PUS10: variants seen among roughly 807,000 people sequenced by gnomAD.
PUS10 encodes the protein pseudouridine synthase 10.
In PUS10, 59 loss-of-function variants were observed where a neutral mutation model predicts 75.0. The observed-to-expected ratio is 0.79, with a 90% confidence interval of 0.64 to 0.98. PUS10 has a LOEUF of 0.98. Among genes scored for constraint, PUS10 ranks in the 50% least tolerant of loss-of-function variants. PUS10 has a pLI of 0.00. For missense variants in PUS10, 650 were observed against 614.4 expected (o/e 1.06, Z -0.61); for synonymous variants, 219 against 211.6 (o/e 1.03, Z -0.30).
chr2:60,949,059 G>C (rs566556754), intron 15 of PUS10, among the ~76,000 whole-genome samples: 1 of 152,248 alleles, frequency 6.6e-6, no homozygotes, highest in East Asian at 1.9e-4. Flanking sequence ...AAGAAGAAAA[G>C]AGCAAGTTCT....
At chr2:60,956,786 T>C (rs1675685518) in intron 11 of PUS10, among the ~76,000 whole-genome samples, 2 of 151,746 alleles carry the variant, frequency 1.3e-5, no homozygotes, top group Non-Finnish European at 1.5e-5. Context: ...CCATCCTGGC[T>C]AACTTGGTGA....
At chr2:60,980,431 A>C (rs1426897521) in intron 4 of PUS10, among the ~76,000 whole-genome samples, 1 of 152,222 alleles carries the variant, frequency 6.6e-6, no homozygotes, top group Non-Finnish European at 1.5e-5. Flanking sequence ...CAAGAAATCC[A>C]GCACAACCAT....
At chr2:60,967,685 A>C in intron 5 of PUS10, 72 bp from the exon 6 acceptor site, 1 of 996,066 alleles carries the variant, frequency 1.0e-6, no homozygotes, top group Admixed American at 2.2e-5. Flanking sequence ...GAATTTATGC[A>C]ATTATTTTTA....
intron 4 of PUS10, among the ~76,000 whole-genome samples, chr2:60,988,527 A>T (rs1304136758): frequency 1.3e-5 from 2 of 152,248 alleles, no homozygotes; most frequent in Non-Finnish European, 2.9e-5. Flanking sequence ...AAATAATGTA[A>T]CTATAATACA....
At chr2:60,997,609 CAAAA>C (rs559678211) in intron 4 of PUS10, among the ~76,000 whole-genome samples, 1 of 77,800 alleles carries the variant, frequency 1.3e-5, no homozygotes, top group Non-Finnish European at 3.2e-5. Flanking sequence ...GACTCCATCT[CAAAA>C]AAAAAAAAAA....
At chr2:60,999,786 A>G (rs920008648) in intron 4 of PUS10, among the ~76,000 whole-genome samples, 3 of 152,134 alleles carry the variant, frequency 2.0e-5, no homozygotes, top group African/African-American at 7.2e-5. Context: ...GCATCTATGG[A>G]TTCAATCAAC....
At position 60,943,762 on chromosome 2, in the gene PUS10, T is replaced by TTGTGTGTGTG. The variant is rs56232022; in HGVS notation, c.1551+1237_1551+1246dup. Among the ~76,000 whole-genome samples the TTGTGTGTGTG allele has an allele frequency of 1.7e-3, 256 of 146,830 alleles. 1 individual carries two copies. The highest frequency in any genetic ancestry group is 6.3e-3 in the African/African-American group (251 of 39,594). On this transcript the variant is annotated intron_variant, in intron 17 of 17. Transcript: ENST00000316752. ...AAATAAAACATGACTGATCACAATC[T>TTGTGTGTGTG]TGTGTGTGTGTGTGTGTGTGTGTGT...
intron 4 of PUS10, among the ~76,000 whole-genome samples, chr2:60,983,367 A>G (rs1677522984): frequency 6.6e-6 from 1 of 152,188 alleles, no homozygotes; most frequent in Non-Finnish European, 1.5e-5. Context: ...TATACTTGGA[A>G]TAGAAGCAAA....
At chr2:61,014,589 C>G (rs1395068116) in intron 1 of PUS10, among the ~76,000 whole-genome samples, 1 of 152,126 alleles carries the variant, frequency 6.6e-6, no homozygotes, top group Non-Finnish European at 1.5e-5. Flanking sequence ...ATTTGTTCAG[C>G]AAAACAAGAT....
At position 61,018,237 on chromosome 2, in the gene PUS10, G is replaced by T; in HGVS notation, c.-245C>A. On this transcript the variant is annotated 5_prime_UTR_variant, in exon 1 of 18. Transcript: ENST00000316752. The stretch of plus-strand genomic sequence containing the variant: ...GCGGCATTTGTCCAGCCACGGCATC[G>T]ACAGGGAGCAAAGTCTCTCCTTAAA... The T allele has an allele frequency of 6.4e-7, 1 of 1,551,082 alleles. No homozygotes were observed. The highest frequency in any genetic ancestry group is 8.7e-7 in the Non-Finnish European group (1 of 1,146,980).
chr2:61,006,717 G>T, intron 3 of PUS10, 74 bp from the exon 4 acceptor site: 2 of 1,169,094 alleles, frequency 1.7e-6, no homozygotes, highest in African/African-American at 1.6e-5. Flanking sequence ...TTAATAACAT[G>T]AATTTCTGGT....
At chr2:60,952,855 T>G (rs1675429045) in intron 15 of PUS10, 142 bp downstream of exon 15, 1 of 568,940 alleles carries the variant, frequency 1.8e-6, no homozygotes. Flanking sequence ...AGCTAGTCAG[T>G]GGCAGAACCA....
In PUS10 at chr2:60,940,717, A is replaced by G. The variant is rs761745809; in HGVS notation, c.*1678T>C. The stretch of plus-strand genomic sequence containing the variant: ...AGGTAAGCCAAAAATACCATGCAAA[A>G]GACTGCCTCCTAAATTATTTAAATC... On this transcript the variant is annotated 3_prime_UTR_variant, in exon 18 of 18. Transcript: ENST00000316752. 2 of 152,344 alleles carry G rather than the reference A, an allele frequency of 1.3e-5. No homozygotes were observed. The highest frequency in any genetic ancestry group is 2.9e-5 in the Non-Finnish European group (2 of 68,016). 9.4% of individuals were successfully genotyped at this position (152,344 alleles called of 1,614,324 possible).
At chr2:61,002,065 C>T (rs1439638626) in intron 4 of PUS10, among the ~76,000 whole-genome samples, 2 of 152,194 alleles carry the variant, frequency 1.3e-5, no homozygotes, top group Non-Finnish European at 2.9e-5. Context: ...AGTTCCCCCA[C>T]CATCCTTTAG....
At chr2:61,008,150 G>A (rs1679360694) in intron 3 of PUS10, among the ~76,000 whole-genome samples, 1 of 152,134 alleles carries the variant, frequency 6.6e-6, no homozygotes, top group African/African-American at 2.4e-5. Context: ...TACTTTGGAG[G>A]CCAAGGCAGG....
chr2:60,980,241 G>T (rs1243182726), intron 4 of PUS10, among the ~76,000 whole-genome samples: 1 of 152,174 alleles, frequency 6.6e-6, no homozygotes, highest in East Asian at 1.9e-4. Flanking sequence ...GTGAAACAAG[G>T]ATCTCAAACA....
At chr2:60,978,199 A>G (rs1257285147) in intron 4 of PUS10, among the ~76,000 whole-genome samples, 2 of 152,030 alleles carry the variant, frequency 1.3e-5, no homozygotes, top group Non-Finnish European at 2.9e-5. Context: ...AGGAGGGTGG[A>G]TCACCTGAGG....
chr2:60,955,999 A>G (rs1201787179), intron 11 of PUS10, among the ~76,000 whole-genome samples: 1 of 152,250 alleles, frequency 6.6e-6, no homozygotes, highest in Non-Finnish European at 1.5e-5. Flanking sequence ...ACATGTCATG[A>G]AACCAAAGCT....
intron 1 of PUS10, chr2:61,017,751 G>T (rs1017419005): frequency 1.9e-6 from 3 of 1,548,604 alleles, no homozygotes; most frequent in Non-Finnish European, 8.7e-7. Flanking sequence ...CCGAGAGGAG[G>T]CGGAGGAGAT....
Sources: allele counts gnomAD v4.1 joint callset (sites outside exome capture counted in the v4.1 genomes callset), GRCh38; gene constraint gnomAD v4.1.1; transcripts MANE v1.5; gene names NCBI Gene and HGNC (gene_info 2026-07-23, HGNC 2026-07-21).